UNC13C: variants seen among roughly 807,000 people sequenced by gnomAD.
The protein encoded by UNC13C is protein unc-13 homolog C.
UNC13C carries 174 observed loss-of-function variants against 245.4 expected under a neutral mutation model. The ratio of observed to expected loss-of-function variants is 0.71; its 90% CI spans 0.63 to 0.80. The LOEUF (loss-of-function observed/expected upper bound fraction) is 0.80. UNC13C is among the 30% of genes least tolerant of loss of function. The pLI is 0.00. For missense variants in UNC13C, 2,829 were observed against 2,602.9 expected, an observed-to-expected ratio of 1.09 and a Z score of -1.89; for synonymous variants, 992 against 895.1, an observed-to-expected ratio of 1.11 and a Z score of -1.93.
chr15:54,311,409 C>G (rs2037869508), intron 13 of UNC13C, among the ~76,000 whole-genome samples: 1 of 151,556 alleles, frequency 6.6e-6, no homozygotes, highest in Non-Finnish European at 1.5e-5. Flanking sequence ...TTCAATCAAA[C>G]AACAAAAGTT....
chr15:54,335,881 C>T (rs886887564), intron 16 of UNC13C, among the ~76,000 whole-genome samples: 14 of 152,066 alleles, frequency 9.2e-5, no homozygotes, highest in African/African-American at 3.4e-4. Flanking sequence ...AAATCCTCAG[C>T]AGCAGTGTGT....
At chr15:54,269,053 T>A (rs1307777534) in intron 10 of UNC13C, among the ~76,000 whole-genome samples, 6 of 150,636 alleles carry the variant, frequency 4.0e-5, no homozygotes, top group Admixed American at 2.6e-4. Context: ...TTTAATTTTT[T>A]ATTTTATTTT....
chr15:54,191,914 A>G (rs2034197071), intron 4 of UNC13C, among the ~76,000 whole-genome samples: 1 of 151,534 alleles, frequency 6.6e-6, no homozygotes, highest in Non-Finnish European at 1.5e-5. Flanking sequence ...TTTTCTTGTA[A>G]ATTTGTTTAA....
chr15:53,902,385 G>A, the UNC13C span, among the ~76,000 whole-genome samples: 1 of 152,150 alleles, frequency 6.6e-6, no homozygotes, highest in Non-Finnish European at 1.5e-5. Context: ...GGCAGTAGTG[G>A]AAGAGAAAGA....
intron 1 of UNC13C, among the ~76,000 whole-genome samples, chr15:53,987,625 A>G (rs78318987): frequency 0.017 from 2,558 of 152,138 alleles, 82 homozygotes; most frequent in African/African-American, 0.058. Flanking sequence ...ATTCATTTGC[A>G]AAAATGTCCT....
intron 1 of UNC13C, among the ~76,000 whole-genome samples, chr15:53,982,126 C>G (rs1170104496): frequency 6.6e-6 from 1 of 152,078 alleles, no homozygotes; most frequent in Non-Finnish European, 1.5e-5. Flanking sequence ...GCTTCCCTTT[C>G]AAATATTTTC....
At chr15:54,356,027 T>G (rs904589250) in intron 17 of UNC13C, among the ~76,000 whole-genome samples, 11 of 152,230 alleles carry the variant, frequency 7.2e-5, no homozygotes, top group Admixed American at 1.3e-4. Context: ...TAACAATATG[T>G]CTTTGAAATG....
chr15:54,226,215 TGAG>T (rs2035377763), intron 4 of UNC13C, among the ~76,000 whole-genome samples: 1 of 152,212 alleles, frequency 6.6e-6, no homozygotes, highest in South Asian at 2.1e-4. Flanking sequence ...AGCATTTTAT[TGAG>T]GATTTTTGCA....
In UNC13C at chr15:54,455,329, A is replaced by G. The variant is rs575876576; in HGVS notation, c.4934-39279A>G. ...TGTGCTGCTATAAGTATGCATGTGC[A>G]GTGTCTTTTTCAAATAATGGCTTAA... On this transcript the variant is annotated intron_variant, in intron 19 of 32. Transcript: ENST00000260323. Among the ~76,000 whole-genome samples the G allele has an allele frequency of 7.4e-5, 11 of 148,836 alleles. No individual in the cohort carries two copies. The East Asian group carries it at 2.0e-3, about 27-fold the overall frequency.
At chr15:54,061,221 G>C (rs1897818711) in intron 2 of UNC13C, among the ~76,000 whole-genome samples, 1 of 151,568 alleles carries the variant, frequency 6.6e-6, no homozygotes, top group African/African-American at 2.4e-5. Context: ...AGAAAGGATT[G>C]GTACTAGAAA....
At chr15:54,192,330 C>G (rs1046346080) in intron 4 of UNC13C, among the ~76,000 whole-genome samples, 3 of 151,582 alleles carry the variant, frequency 2.0e-5, no homozygotes, top group Admixed American at 6.6e-5. Flanking sequence ...TGTTGTTGTT[C>G]TGTCATTTTT....
chr15:54,433,206 A>G (rs1475357531), intron 19 of UNC13C, among the ~76,000 whole-genome samples: 2 of 152,114 alleles, frequency 1.3e-5, no homozygotes, highest in African/African-American at 4.8e-5. Flanking sequence ...AAACAATAGA[A>G]AAAGAGATTC....
At chr15:53,902,691 C>T in the UNC13C span, among the ~76,000 whole-genome samples, 9 of 151,940 alleles carry the variant, frequency 5.9e-5, no homozygotes, top group African/African-American at 1.9e-4. Flanking sequence ...TTGTCAGTAC[C>T]AACAGAAGCA....
chr15:54,384,228 C>T (rs991383592), intron 17 of UNC13C, among the ~76,000 whole-genome samples: 23 of 152,020 alleles, frequency 1.5e-4, no homozygotes, highest in East Asian at 5.8e-4. Flanking sequence ...AGAACAAACC[C>T]GGAGGCATCA....
At position 54,376,486 on chromosome 15, in the gene UNC13C, T is replaced by C. The variant is rs1347882168; in HGVS notation, c.4714-16562T>C. The stretch of plus-strand genomic sequence containing the variant: ...AGATAAAACTAGCTGCTAAATTAAA[T>C]ACATTTAAACTCAAATATGAGTAAC... On this transcript the variant is annotated intron_variant, in intron 17 of 32. Transcript: ENST00000260323. 2.6e-5 allele frequency among the ~76,000 whole-genome samples: 4 copies of C among 152,282 alleles called. No individual in the cohort carries two copies. The South Asian group carries it at 8.3e-4, about 32-fold the overall frequency.
chr15:53,997,771 G>A (rs1187452957), intron 1 of UNC13C, among the ~76,000 whole-genome samples: 3 of 151,938 alleles, frequency 2.0e-5, no homozygotes, highest in Non-Finnish European at 4.4e-5. Flanking sequence ...ATTAGGTAGT[G>A]TTAATCCTCC....
chr15:53,940,760 G>A, the UNC13C span, among the ~76,000 whole-genome samples: 1 of 152,090 alleles, frequency 6.6e-6, no homozygotes, highest in Non-Finnish European at 1.5e-5. Context: ...CAGTTAACAA[G>A]GGAAGTGAAG....
upstream of UNC13C, among the ~76,000 whole-genome samples, chr15:53,973,867 G>A (rs1038477669): frequency 2.6e-5 from 4 of 152,192 alleles, no homozygotes; most frequent in South Asian, 6.2e-4. Flanking sequence ...GTGTCTGCTT[G>A]AATAATTTAC....
chr15:54,054,151 T>G (rs1043059348), intron 2 of UNC13C, among the ~76,000 whole-genome samples: 3 of 152,140 alleles, frequency 2.0e-5, no homozygotes. Flanking sequence ...AGCAGGGGGA[T>G]TGCTGGAGTA....
Sources: allele counts gnomAD v4.1 joint callset (sites outside exome capture counted in the v4.1 genomes callset), GRCh38; gene constraint gnomAD v4.1.1; transcripts MANE v1.5; gene names NCBI Gene and HGNC (gene_info 2026-07-23, HGNC 2026-07-21).